The following PTPRO variants were observed in gnomAD, a reference collection of about 807,000 sequenced individuals.
PTPRO encodes receptor-type tyrosine-protein phosphatase O.
Under a neutral mutation model 145.2 loss-of-function variants are expected in PTPRO, and 62 were observed. The ratio of observed to expected loss-of-function variants is 0.43; its 90% CI spans 0.35 to 0.53. The LOEUF (loss-of-function observed/expected upper bound fraction) is 0.53. PTPRO is among the 20% of genes least tolerant of loss of function. The pLI is 0.01. For missense variants in PTPRO, 1,345 were observed against 1,482.7 expected (o/e 0.91, Z 1.53); for synonymous variants, 565 against 514.7 (o/e 1.10, Z -1.32).
chr12:15,401,844 T>C (rs1939502749), intron 1 of PTPRO, among the ~76,000 whole-genome samples: 1 of 152,200 alleles, frequency 6.6e-6, no homozygotes, highest in Non-Finnish European at 1.5e-5. Context: ...CTATGTTTAA[T>C]TAAAAATTAA....
At chr12:15,508,904 C>T (rs1942378031) in intron 7 of PTPRO, 137 bp downstream of exon 7, 5 of 837,658 alleles carry the variant, frequency 6.0e-6, no homozygotes, top group South Asian at 5.8e-5. Context: ...TTCCCAAGAG[C>T]CAGAGGGGCC....
At position 15,597,971 on chromosome 12, in the gene PTPRO, T is replaced by C. The variant is rs993040463; in HGVS notation, c.*1898T>C. On this transcript the variant is annotated 3_prime_UTR_variant, in exon 27 of 27. Coordinates refer to ENST00000281171, the MANE Select transcript of PTPRO (RefSeq NM_030667.3). ...TGATACAATGTATGGTAAGCTGAAG[T>C]ACGTTTCCAACACTGCTGCTCAGAG... Among the ~76,000 whole-genome samples the C allele has an allele frequency of 2.0e-5, 3 of 152,214 alleles. No homozygotes were observed. The highest frequency in any genetic ancestry group is 7.2e-5 in the African/African-American group (3 of 41,450).
At chr12:15,515,154 C>G (rs572495038) in intron 7 of PTPRO, among the ~76,000 whole-genome samples, 3 of 152,104 alleles carry the variant, frequency 2.0e-5, no homozygotes, top group Non-Finnish European at 2.9e-5. Flanking sequence ...ATGTAATCAG[C>G]TGACACCACA....
intron 15 of PTPRO, 26 bp from the exon 16 acceptor site, chr12:15,557,429 T>C (rs368246099): frequency 1.7e-5 from 27 of 1,603,556 alleles, no homozygotes; most frequent in Non-Finnish European, 2.3e-5. Flanking sequence ...AGCAGTAACC[T>C]TGATTTTGTG....
chr12:15,366,680 A>G (rs1938371357), intron 1 of PTPRO, among the ~76,000 whole-genome samples: 1 of 152,164 alleles, frequency 6.6e-6, no homozygotes, highest in South Asian at 2.1e-4. Context: ...ATTAATACTT[A>G]GAGAAAAAAT....
At position 15,570,117 on chromosome 12, in the gene PTPRO, T is replaced by C. The variant is rs1944009514; in HGVS notation, c.2829+619T>C. 2.0e-5 allele frequency among the ~76,000 whole-genome samples: 3 copies of C among 152,308 alleles called. No individual in the cohort carries two copies. In the South Asian group the frequency reaches 6.2e-4, roughly 32 times the overall value. On this transcript the variant is annotated intron_variant, in intron 19 of 26. Transcript: ENST00000281171. ...ACATATTTCTTTGGATCTAAAACCA[T>C]ATGTCAGAAGAGATGGAAGTGAGTG...
intron 15 of PTPRO, among the ~76,000 whole-genome samples, chr12:15,554,655 A>AT (rs1943569990): frequency 6.6e-6 from 1 of 151,854 alleles, no homozygotes; most frequent in Admixed American, 6.6e-5. Context: ...TCCTTTTCAC[A>AT]TTTTTCTGCC....
intron 18 of PTPRO, among the ~76,000 whole-genome samples, chr12:15,568,578 T>A (rs7980224): frequency 0.011 from 1,628 of 152,296 alleles, 38 homozygotes; most frequent in African/African-American, 0.038. Context: ...GAATGTGGAA[T>A]TCTGCAGAAG....
intron 1 of PTPRO, among the ~76,000 whole-genome samples, chr12:15,385,811 CAAAAA>C (rs761750012): frequency 1.1e-4 from 4 of 37,120 alleles, no homozygotes; most frequent in African/African-American, 1.8e-4. Context: ...GACTCCATCT[CAAAAA>C]AAAAAAAAAA....
intron 1 of PTPRO, among the ~76,000 whole-genome samples, chr12:15,471,224 C>T (rs1479255182): frequency 1.3e-5 from 2 of 151,896 alleles, no homozygotes; most frequent in African/African-American, 2.4e-5. Context: ...ACAAAAAATA[C>T]AAAAAAATAA....
At chr12:15,368,157 C>T (rs561844954) in intron 1 of PTPRO, among the ~76,000 whole-genome samples, 2 of 152,274 alleles carry the variant, frequency 1.3e-5, no homozygotes, top group Non-Finnish European at 2.9e-5. Context: ...TGGTTCACTC[C>T]ATTCCTGCCA....
intron 1 of PTPRO, among the ~76,000 whole-genome samples, chr12:15,406,570 A>T (rs921678387): frequency 2.0e-5 from 3 of 152,310 alleles, no homozygotes; most frequent in Middle Eastern, 3.4e-3. Flanking sequence ...TAGGCTGATT[A>T]TATGCATTTT....
chr12:15,376,738 T>C (rs1315620345), intron 1 of PTPRO, among the ~76,000 whole-genome samples: 2 of 152,158 alleles, frequency 1.3e-5, no homozygotes, highest in African/African-American at 4.8e-5. Context: ...CATGACAGAA[T>C]GGGGTCAGAG....
At chr12:15,372,910 G>A (rs1445581008) in intron 1 of PTPRO, among the ~76,000 whole-genome samples, 1 of 152,080 alleles carries the variant, frequency 6.6e-6, no homozygotes, top group Non-Finnish European at 1.5e-5. Flanking sequence ...TGCTGGATTT[G>A]GACTAAAACT....
chr12:15,443,454 C>T (rs1940823049), intron 1 of PTPRO, among the ~76,000 whole-genome samples: 1 of 152,072 alleles, frequency 6.6e-6, no homozygotes, highest in South Asian at 2.1e-4. Flanking sequence ...GTATTGATGA[C>T]TAAATTCTCA....
intron 5 of PTPRO, among the ~76,000 whole-genome samples, chr12:15,502,686 TCTTTATATTTTA>T (rs1591659233): frequency 1.3e-5 from 2 of 152,294 alleles, no homozygotes; most frequent in East Asian, 3.9e-4. Flanking sequence ...TGAGGTTCAT[TCTTTATATTTTA>T]GCCACTAACT....
intron 19 of PTPRO, among the ~76,000 whole-genome samples, chr12:15,575,261 C>T (rs1467072325): frequency 6.6e-6 from 1 of 152,138 alleles, no homozygotes; most frequent in Non-Finnish European, 1.5e-5. Flanking sequence ...AGAGCACTTC[C>T]CACTGGCAGC....
intron 1 of PTPRO, among the ~76,000 whole-genome samples, chr12:15,423,678 A>G (rs1488801208): frequency 6.6e-6 from 1 of 152,242 alleles, no homozygotes; most frequent in East Asian, 1.9e-4. Flanking sequence ...TTGTTTTTAC[A>G]TTTGTGCAAT....
At chr12:15,563,974 C>G (rs1277622523) in intron 17 of PTPRO, among the ~76,000 whole-genome samples, 1 of 152,158 alleles carries the variant, frequency 6.6e-6, no homozygotes, top group African/African-American at 2.4e-5. Flanking sequence ...AACTAAATTA[C>G]CATCACGGGG....
Sources: gnomAD v4.1 joint callset for allele counts (sites outside exome capture counted in the v4.1 genomes callset) on GRCh38, gnomAD v4.1.1 for gene constraint, MANE v1.5 for transcripts, NCBI Gene and HGNC (gene_info 2026-07-23, HGNC 2026-07-21) for gene names.